The following IL17RD variants were observed in gnomAD, a reference collection of about 807,000 sequenced individuals.
The protein encoded by IL17RD is interleukin 17 receptor D, also known as interleukin-17 receptor D.
A neutral mutation model predicts 80.5 loss-of-function variants in IL17RD; 52 were observed. The observed-to-expected ratio is 0.65, with a 90% CI of 0.52 to 0.81. The LOEUF (loss-of-function observed/expected upper bound fraction) is 0.81, where lower values mean the gene tolerates loss of function less well. Among genes scored for constraint, IL17RD ranks in the 40% least tolerant of loss-of-function variants. The pLI is 0.00. For missense variants in IL17RD, 1,024 were observed against 955.1 expected (o/e 1.07, Z -0.95); for synonymous variants, 416 against 391.8 (o/e 1.06, Z -0.73).
At chr3:57,164,996 G>C in intron 1 of IL17RD, 165 bp downstream of exon 1, 1 of 1,335,242 alleles carries the variant, frequency 7.5e-7, no homozygotes, top group Non-Finnish European at 9.5e-7. Flanking sequence ...ACACGCGTCC[G>C]GGGAGGGAAA....
At chr3:57,122,575 TC>T (rs1707363769) in intron 1 of IL17RD, among the ~76,000 whole-genome samples, 1 of 152,096 alleles carries the variant, frequency 6.6e-6, no homozygotes, top group Non-Finnish European at 1.5e-5. Context: ...CTTATGAGAA[TC>T]TAACTAATGC....
intron 1 of IL17RD, among the ~76,000 whole-genome samples, chr3:57,128,205 T>C (rs935802439): frequency 2.6e-5 from 4 of 152,198 alleles, no homozygotes; most frequent in African/African-American, 9.7e-5. Flanking sequence ...TGGGGAGTGC[T>C]GCTGGGTTCC....
chr3:57,107,467 T>C (rs1284931678), intron 5 of IL17RD, among the ~76,000 whole-genome samples: 2 of 152,072 alleles, frequency 1.3e-5, no homozygotes, highest in South Asian at 4.1e-4. Context: ...GAGGGAAACA[T>C]TGATGTAGGC....
intron 2 of IL17RD, among the ~76,000 whole-genome samples, chr3:57,117,694 T>G (rs1707246393): frequency 6.6e-6 from 1 of 152,188 alleles, no homozygotes; most frequent in Non-Finnish European, 1.5e-5. Flanking sequence ...AACTGAGCAG[T>G]AACAGGAACT....
chr3:57,114,600 C>A, intron 3 of IL17RD, 92 bp downstream of exon 3: 1 of 1,249,916 alleles, frequency 8.0e-7, no homozygotes, highest in Non-Finnish European at 1.1e-6. Context: ...ACATCAAGAC[C>A]TGCCTGGTTC....
chr3:57,167,933 C>T (rs1412520408), upstream of IL17RD, among the ~76,000 whole-genome samples: 8 of 152,106 alleles, frequency 5.3e-5, no homozygotes, highest in South Asian at 1.5e-3. Flanking sequence ...CAGGTTCAAG[C>T]GATTCTCCTG....
intron 1 of IL17RD, among the ~76,000 whole-genome samples, chr3:57,158,015 A>T (rs1700255798): frequency 6.6e-6 from 1 of 152,228 alleles, no homozygotes; most frequent in Non-Finnish European, 1.5e-5. Context: ...TCTGAAAAAA[A>T]GTTGTATTTA....
At chr3:57,115,522 C>G (rs1336509959) in intron 2 of IL17RD, among the ~76,000 whole-genome samples, 1 of 152,182 alleles carries the variant, frequency 6.6e-6, no homozygotes, top group Non-Finnish European at 1.5e-5. Context: ...CTCACTGCCA[C>G]CTGTCAATGT....
chr3:57,110,219 G>A lies in IL17RD; in HGVS notation c.403C>T (p.Gln135Ter). 1 of 1,604,022 alleles carries A rather than the reference G, an allele frequency of 6.2e-7. No homozygotes were observed. The highest frequency in any genetic ancestry group is 8.5e-7 in the Non-Finnish European group (1 of 1,174,876). Residue 135 changes from glutamine to a stop codon, truncating the protein, a stop_gained, in exon 4 of 13, where the codon CAG (glutamine) becomes TAG (stop). Transcript: ENST00000296318. LOFTEE classifies it high-confidence loss of function. ...CQQLILKDPK[Q>*]LNSSFKRTGM... ...GTTCTTTTGAAGCTACTGTTGAGCT[G>A]CTTCGGATCCTTTAGAATCAGTTGT...
chr3:57,130,563 A>C (rs1420990374), intron 1 of IL17RD, among the ~76,000 whole-genome samples: 2 of 152,138 alleles, frequency 1.3e-5, no homozygotes, highest in Non-Finnish European at 2.9e-5. Flanking sequence ...CCTTTCCCAG[A>C]AGCTTTCTGG....
chr3:57,098,427 T>C lies in IL17RD; in HGVS notation c.1276A>G (p.Met426Val), dbSNP rs988325736. ...QFIIVVCSKG[M>V]KYFVDKKNYK... Reference sequence around the variant, plus strand: ...TTCTTCTTGTCCACAAAGTACTTCATACCTTTGGAACAAACCACAATGATG... The same window carrying C: ...TTCTTCTTGTCCACAAAGTACTTCACACCTTTGGAACAAACCACAATGATG... Residue 426 changes from methionine (M) to valine (V), a missense_variant, in exon 12 of 13, where the codon ATG (methionine) becomes GTG (valine). By Grantham distance (21) the Met-to-Val change is conservative. Coordinates refer to ENST00000296318, the MANE Select transcript of IL17RD (RefSeq NM_017563.5). 10 of 1,613,856 alleles carry C rather than the reference T, an allele frequency of 6.2e-6. No homozygotes were observed. The South Asian group carries it at 9.9e-5, about 16-fold the overall frequency.
In IL17RD at chr3:57,127,245, T is replaced by TATATAAAAATATATATAAAA. The variant is rs1559476765; in HGVS notation, c.127-6933_127-6932insTTTTATATATATTTTTATAT. Among the ~76,000 whole-genome samples the TATATAAAAATATATATAAAA allele has an allele frequency of 1.7e-4, 15 of 86,792 alleles. 1 individual carries two copies. The East Asian group carries it at 4.8e-3, about 28-fold the overall frequency. The allele number at this position is 86,792 out of a possible 152,430, so 56.9% of individuals were successfully genotyped here. On this transcript the variant is annotated intron_variant, in intron 1 of 12. Coordinates refer to ENST00000296318, the MANE Select transcript of IL17RD (RefSeq NM_017563.5). ...AAATATATATAAAAATATATAAATA[T>TATATAAAAATATATATAAAA]ATATATAAATATATATAAATATATA...
intron 1 of IL17RD, 135 bp from the exon 2 acceptor site, chr3:57,120,448 CTT>C: frequency 4.5e-6 from 3 of 665,692 alleles, no homozygotes; most frequent in Non-Finnish European, 8.1e-6. Flanking sequence ...ATCCACCACT[CTT>C]TCTGCCCGCT....
intron 1 of IL17RD, chr3:57,150,592 A>C (rs1487028318): frequency 1.3e-5 from 2 of 152,246 alleles, no homozygotes; most frequent in African/African-American, 4.8e-5. Context: ...CTGGGCAGTC[A>C]GGACGAAAGG....
At chr3:57,121,030 C>T (rs1474960658) in intron 1 of IL17RD, among the ~76,000 whole-genome samples, 1 of 152,156 alleles carries the variant, frequency 6.6e-6, no homozygotes, top group African/African-American at 2.4e-5. Flanking sequence ...TCCCGTTGAC[C>T]CCGCCTTTTC....
At chr3:57,169,473 C>T (rs4303841), upstream of IL17RD, 144,244 of 219,282 alleles carry the variant, frequency 0.66, 47,610 homozygotes, top group African/African-American at 0.75. Context: ...CTAATTATAA[C>T]CTAGCCAGAT....
chr3:57,127,303 TAAAAATATATAAA>T lies in IL17RD; in HGVS notation c.127-7003_127-6991del, dbSNP rs1228259249. On this transcript the variant is annotated intron_variant, in intron 1 of 12. Transcript: ENST00000296318. ...ATATATAAATATATATAAATATATA[TAAAAATATATAAA>T]AATATATATAAATATATATAAAAAT... Among the ~76,000 whole-genome samples, 452 of 87,460 alleles carry T rather than the reference TAAAAATATATAAA, an allele frequency of 5.2e-3. 26 individuals are homozygous for T. Among genetic ancestry groups the T allele is most frequent in the African/African-American group, 0.027 (432 of 16,232 alleles). 57.4% of individuals were successfully genotyped at this position (87,460 alleles called of 152,430 possible). A position where few individuals can be genotyped will look rare whatever the true frequency, so the allele number is the denominator to read the frequency against.
intron 3 of IL17RD, among the ~76,000 whole-genome samples, chr3:57,113,252 T>C (rs774861729): frequency 1.3e-5 from 2 of 152,238 alleles, no homozygotes; most frequent in African/African-American, 2.4e-5. Context: ...TTTATTTATT[T>C]TTGAGACAGA....
Position 57,127,412 on chromosome 3 carries a change from A to ATATT in IL17RD, c.127-7100_127-7099insAATA, listed in dbSNP as rs1246159104. On this transcript the variant is annotated intron_variant, in intron 1 of 12. Coordinates refer to ENST00000296318, the MANE Select transcript of IL17RD (RefSeq NM_017563.5). ...AATAAATAAATATATATATATATAT[A>ATATT]TTTTTTTTTTGAGATAAGAGTCTTG... 1.2e-3 allele frequency among the ~76,000 whole-genome samples: 108 copies of ATATT among 91,186 alleles called. 9 individuals carry two copies. Among genetic ancestry groups the ATATT allele is most frequent in the African/African-American group, 4.4e-3 (90 of 20,464 alleles). 59.8% of individuals were successfully genotyped at this position (91,186 alleles called of 152,430 possible). A position where few individuals can be genotyped will look rare whatever the true frequency, so the allele number is the denominator to read the frequency against.
Sources: gnomAD v4.1 joint callset for allele counts (sites outside exome capture counted in the v4.1 genomes callset) on GRCh38, gnomAD v4.1.1 for gene constraint, MANE v1.5 for transcripts, NCBI Gene and HGNC (gene_info 2026-07-23, HGNC 2026-07-21) for gene names.